DPP6: variants seen among roughly 807,000 people sequenced by gnomAD.
DPP6 encodes the protein A-type potassium channel modulatory protein DPP6.
Under a neutral mutation model 122.6 loss-of-function variants are expected in DPP6, and 69 were observed. The ratio of observed to expected loss-of-function variants is 0.56; its 90% CI spans 0.46 to 0.69. The LOEUF is 0.69. Ranked by LOEUF, DPP6 falls within the 30% of genes least tolerant of loss-of-function variation. The probability of loss-of-function intolerance (pLI) is 0.00; values close to 1 mark genes in which losing one functional copy is unlikely to be tolerated. For synonymous variants in DPP6, 418 were observed against 433.1 expected (o/e 0.97, Z 0.43); for missense variants, 928 against 1,116.9 (o/e 0.83, Z 2.41).
At chr7:154,382,146 CAG>C (rs1232875822) in intron 1 of DPP6, among the ~76,000 whole-genome samples, 1 of 146,892 alleles carries the variant, frequency 6.8e-6, no homozygotes, top group African/African-American at 2.5e-5. Context: ...GCCGCAGATG[CAG>C]GTTTGCTTGC....
chr7:154,757,503 T>C lies in DPP6; in HGVS notation c.884-11914T>C, dbSNP rs763842973. 2.0e-5 allele frequency among the ~76,000 whole-genome samples: 3 copies of C among 152,216 alleles called. No individual in the cohort carries two copies. In the South Asian group the frequency reaches 6.2e-4, roughly 32 times the overall value. On this transcript the variant is annotated intron_variant, in intron 8 of 25. Transcript: ENST00000377770. ...ATTGATTTCTCTTGGTCTTGAATGA[T>C]TTTTACACAAGTCATTTTGCAATAA...
At position 154,403,951 on chromosome 7, in the gene DPP6, T is replaced by A. The variant is rs1334278175; in HGVS notation, c.244-42263T>A. Among the ~76,000 whole-genome samples, 1 of 152,222 alleles carries A rather than the reference T, an allele frequency of 6.6e-6. No individual in the cohort carries two copies. Among genetic ancestry groups the A allele is most frequent in the Non-Finnish European group, 1.5e-5 (1 of 68,024 alleles). ...TAAGCTCATTAAACTCACATTCACC[T>A]TTGTCTTTTGTTGAAAAAAGTTAAT... is the stretch of plus-strand genomic sequence containing the variant. On this transcript the variant is annotated intron_variant, in intron 1 of 25. Coordinates refer to ENST00000377770, the MANE Select transcript of DPP6 (RefSeq NM_130797.4). This position sits in a 1 kb window ranked among gnomAD's most constrained non-coding sequence, Gnocchi z 4.1.
chr7:154,855,372 C>T (rs1270938063), intron 17 of DPP6, among the ~76,000 whole-genome samples: 5 of 152,190 alleles, frequency 3.3e-5, no homozygotes, highest in Admixed American at 3.3e-4. Context: ...TACAAAAACA[C>T]TCAGAATGGC....
intron 5 of DPP6, among the ~76,000 whole-genome samples, chr7:154,572,662 AC>A (rs1375021235): frequency 2.8e-5 from 4 of 143,628 alleles, no homozygotes; most frequent in Non-Finnish European, 6.0e-5. Context: ...CATTACAGGC[AC>A]CCGCCACCAC....
the DPP6 span, among the ~76,000 whole-genome samples, chr7:153,828,716 G>T: frequency 2.6e-5 from 4 of 152,158 alleles, no homozygotes; most frequent in Admixed American, 2.0e-4. Flanking sequence ...TAATTGAGAA[G>T]AAGCTAGGAA....
chr7:153,759,401 T>G, the DPP6 span, among the ~76,000 whole-genome samples: 2 of 150,550 alleles, frequency 1.3e-5, no homozygotes, highest in Non-Finnish European at 2.9e-5. Context: ...CCACTGCAAC[T>G]TCCACCTCCT....
chr7:153,949,013 G>GAT (rs1563038880), intron 1 of DPP6, among the ~76,000 whole-genome samples: 1 of 152,114 alleles, frequency 6.6e-6, no homozygotes. Flanking sequence ...AAGCAAAATG[G>GAT]ATATATATAA....
chr7:154,163,399 T>C (rs2150712108), intron 1 of DPP6, among the ~76,000 whole-genome samples: 2 of 152,358 alleles, frequency 1.3e-5, no homozygotes, highest in Middle Eastern at 3.4e-3. Flanking sequence ...GTAATTGTTT[T>C]TTGTTTCTTT....
intron 4 of DPP6, among the ~76,000 whole-genome samples, chr7:154,559,309 A>G (rs1022755959): frequency 5.3e-5 from 8 of 151,520 alleles, no homozygotes; most frequent in African/African-American, 1.9e-4. Context: ...AGCAGTAGCA[A>G]TAGAAAACTA....
At chr7:154,396,490 A>G (rs969999288) in intron 1 of DPP6, among the ~76,000 whole-genome samples, 1 of 152,202 alleles carries the variant, frequency 6.6e-6, no homozygotes, top group African/African-American at 2.4e-5. Context: ...AGAGAGAGTA[A>G]TTGTCCAGCT....
intron 5 of DPP6, among the ~76,000 whole-genome samples, chr7:154,575,442 G>GTGTGTGTATGTGTGGGTGGTA (rs1691692923): frequency 2.9e-5 from 3 of 104,710 alleles, no homozygotes; most frequent in Admixed American, 1.0e-4. Flanking sequence ...TATGTGTGTG[G>GTGTGTGTATGTGTGGGTGGTA]TGTGTGTATG....
the DPP6 span, among the ~76,000 whole-genome samples, chr7:153,867,032 A>T: frequency 1.0e-3 from 153 of 152,326 alleles, no homozygotes; most frequent in Admixed American, 3.5e-3. Context: ...TACCAGTACC[A>T]CGCTGTTTTT....
At position 154,442,434 on chromosome 7, in the gene DPP6, G is replaced by C. The variant is rs571125066; in HGVS notation, c.244-3780G>C. ...CCAGGCAAGACTTCCTACGATGTCA[G>C]AGGTGATATTTTAGCTGATAAGTAA... On this transcript the variant is annotated intron_variant, in intron 1 of 25. Transcript: ENST00000377770. Among the ~76,000 whole-genome samples the C allele has an allele frequency of 9.8e-5, 15 of 152,306 alleles. No homozygotes were observed. The South Asian group carries it at 3.1e-3, about 32-fold the overall frequency.
chr7:153,991,307 G>C (rs1298319665), intron 1 of DPP6, among the ~76,000 whole-genome samples: 1 of 151,820 alleles, frequency 6.6e-6, no homozygotes, highest in Non-Finnish European at 1.5e-5. Context: ...GATCTTCTTT[G>C]GTAATTTTTA....
intron 1 of DPP6, among the ~76,000 whole-genome samples, chr7:154,194,206 C>G (rs1045531440): frequency 6.6e-6 from 1 of 152,106 alleles, no homozygotes; most frequent in Non-Finnish European, 1.5e-5. Context: ...AACACACTTC[C>G]TATGGTAAGG....
At chr7:153,810,711 T>TCTCTCTCTCG in the DPP6 span, among the ~76,000 whole-genome samples, 1 of 135,530 alleles carries the variant, frequency 7.4e-6, no homozygotes, top group Non-Finnish European at 1.6e-5. Flanking sequence ...TCTCTCTCTC[T>TCTCTCTCTCG]CTCAGTAAGC....
chr7:154,319,323 C>T (rs1157157947), intron 1 of DPP6, among the ~76,000 whole-genome samples: 5 of 152,164 alleles, frequency 3.3e-5, no homozygotes, highest in Non-Finnish European at 7.3e-5. Context: ...CTCTTTTTCT[C>T]TGCATAATTT....
intron 17 of DPP6, among the ~76,000 whole-genome samples, chr7:154,865,966 C>G (rs1345524496): frequency 6.6e-6 from 1 of 152,156 alleles, no homozygotes; most frequent in Non-Finnish European, 1.5e-5. Context: ...GATACCTTGG[C>G]GAGGGGTAGG....
At chr7:154,732,277 C>T (rs572867099) in intron 8 of DPP6, among the ~76,000 whole-genome samples, 15 of 151,956 alleles carry the variant, frequency 9.9e-5, no homozygotes, top group Non-Finnish European at 1.5e-4. Context: ...CAGTCATCTT[C>T]GTTATCATCA....
Sources: allele counts gnomAD v4.1 joint callset (sites outside exome capture counted in the v4.1 genomes callset), GRCh38; gene constraint gnomAD v4.1.1; non-coding constraint Gnocchi (gnomAD v3.1); transcripts MANE v1.5; gene names NCBI Gene and HGNC (gene_info 2026-07-23, HGNC 2026-07-21).